The following GRIK5 variants were observed in gnomAD, a reference collection of about 807,000 sequenced individuals.
GRIK5 encodes glutamate receptor ionotropic, kainate 5.
In GRIK5, 43 loss-of-function variants were observed where a neutral mutation model predicts 97.4. The observed-to-expected ratio is 0.44, with a 90% CI of 0.35 to 0.57. The LOEUF is 0.57. GRIK5 is among the 20% of genes least tolerant of loss of function. The probability of loss-of-function intolerance (pLI) is 0.01; values close to 1 mark genes in which losing one functional copy is unlikely to be tolerated. For synonymous variants in GRIK5, 580 were observed against 583.5 expected, an observed-to-expected ratio of 0.99 and a Z score of 0.09; for missense variants, 1,015 against 1,382.0, an observed-to-expected ratio of 0.73 and a Z score of 4.21.
At chr19:42,036,709 C>T (rs1036550120) in intron 12 of GRIK5, among the ~76,000 whole-genome samples, 4 of 152,302 alleles carry the variant, frequency 2.6e-5, no homozygotes, top group African/African-American at 9.6e-5. Context: ...TTTCTAAAGA[C>T]TCCTTGATAG....
chr19:42,005,599 G>T, intron 17 of GRIK5, 124 bp downstream of exon 17: 1 of 676,074 alleles, frequency 1.5e-6, no homozygotes. Context: ...AGACCATACA[G>T]CCAGGAGGCC....
At position 42,065,438 on chromosome 19, in the gene GRIK5, G is replaced by A. The variant is rs1274549271; in HGVS notation, c.80-51C>T. On this transcript the variant is annotated intron_variant, in intron 2 of 19. Coordinates refer to ENST00000593562, the MANE Select transcript of GRIK5 (RefSeq NM_002088.5). The surrounding 1 kb of genome is among the most constrained non-coding windows in gnomAD (Gnocchi z 5.8). The stretch of plus-strand genomic sequence containing the variant: ...CAGACTCCTGAGTCCTGAGGAAGGA[G>A]GGGGCTGTGGTCTTAGACTCCAGGG... 5.9e-6 allele frequency: 9 copies of A among 1,524,248 alleles called. No individual in the cohort carries two copies. Among genetic ancestry groups the A allele is most frequent in the African/African-American group, 1.4e-5 (1 of 73,190 alleles). The allele number at this position is 1,524,248 out of a possible 1,614,324, so 94.4% of individuals were successfully genotyped here.
Position 41,999,328 on chromosome 19 carries a change from C to G in GRIK5, c.2515-29G>C, listed in dbSNP as rs782386123. The G allele has an allele frequency of 6.8e-7, 1 of 1,479,478 alleles. No homozygotes were observed. Among genetic ancestry groups the G allele is most frequent in the South Asian group, 1.3e-5 (1 of 79,152 alleles). The allele number at this position is 1,479,478 out of a possible 1,614,324, so 91.6% of individuals were successfully genotyped here. On this transcript the variant is annotated intron_variant, in intron 19 of 19. Transcript: ENST00000593562. The surrounding 1 kb of genome is among the most constrained non-coding windows in gnomAD (Gnocchi z 5.0). ...GGGGTGGCGCGGGCGGTCACCGTCC[C>G]GGCGCAGTCCGCCTCCCGCCTCCCC... is the stretch of plus-strand genomic sequence containing the variant.
At chr19:42,047,594 T>G (rs1052813080) in intron 11 of GRIK5, among the ~76,000 whole-genome samples, 1 of 152,136 alleles carries the variant, frequency 6.6e-6, no homozygotes, top group Non-Finnish European at 1.5e-5. Flanking sequence ...TATTGATTTG[T>G]GACAAAGGTA....
chr19:42,012,000 G>A (rs1473186758), intron 15 of GRIK5, among the ~76,000 whole-genome samples: 6 of 152,050 alleles, frequency 3.9e-5, no homozygotes, highest in Non-Finnish European at 2.9e-5. Flanking sequence ...CCTAAAGGTA[G>A]AAAAAGAGGA....
intron 11 of GRIK5, among the ~76,000 whole-genome samples, chr19:42,044,026 A>T (rs918989585): frequency 2.6e-5 from 4 of 152,148 alleles, no homozygotes; most frequent in Non-Finnish European, 5.9e-5. Flanking sequence ...GACCAGGTGG[A>T]GGTAACTGAA....
At position 42,065,876 on chromosome 19, in the gene GRIK5, C is replaced by G. The variant is rs774387956; in HGVS notation, c.-50-56G>C. 113 of 881,086 alleles carry G rather than the reference C, an allele frequency of 1.3e-4. No individual in the cohort carries two copies. Among genetic ancestry groups the G allele is most frequent in the Admixed American group, 4.0e-4 (19 of 47,614 alleles). The allele number at this position is 881,086 out of a possible 1,614,324, so 54.6% of individuals were successfully genotyped here. A position where few individuals can be genotyped will look rare whatever the true frequency, so the allele number is the denominator to read the frequency against. ...ATTACTATGTGGTGGGATGGAACCC[C>G]TTGGAGGCCTGCTGGATGGGGTGGT... On this transcript the variant is annotated intron_variant, in intron 1 of 19. Coordinates refer to ENST00000593562, the MANE Select transcript of GRIK5 (RefSeq NM_002088.5). This position sits in a 1 kb window ranked among gnomAD's most constrained non-coding sequence, Gnocchi z 5.8.
rs2075453691 is a variant in GRIK5 at position 42,003,752 on chromosome 19, CTG to C, written c.2264-71_2264-70del. The C allele has an allele frequency of 3.4e-6, 5 of 1,480,476 alleles. No homozygotes were observed. Among genetic ancestry groups the C allele is most frequent in the Non-Finnish European group, 4.5e-6 (5 of 1,115,782 alleles). 91.7% of individuals were successfully genotyped at this position (1,480,476 alleles called of 1,614,324 possible). A position where few individuals can be genotyped will look rare whatever the true frequency, so the allele number is the denominator to read the frequency against. ...AGCCCTGACCGCCCCAAACCCCAAACTGTGCCCTCACCACGGCCTTCCCCCGC... is the reference window on the plus strand; with the variant it reads ...AGCCCTGACCGCCCCAAACCCCAAACTGCCCTCACCACGGCCTTCCCCCGC... On this transcript the variant is annotated intron_variant, in intron 17 of 19. Transcript: ENST00000593562. This position sits in a 1 kb window ranked among gnomAD's most constrained non-coding sequence, Gnocchi z 4.2.
chr19:42,040,498 G>C (rs1599804799), intron 12 of GRIK5, among the ~76,000 whole-genome samples: 1 of 152,324 alleles, frequency 6.6e-6, no homozygotes, highest in African/African-American at 2.4e-5. Context: ...GGTGGGCATA[G>C]AGCTGTCAGC....
intron 15 of GRIK5, among the ~76,000 whole-genome samples, chr19:42,017,330 A>G (rs900245313): frequency 2.6e-5 from 4 of 152,214 alleles, no homozygotes; most frequent in Non-Finnish European, 4.4e-5. Flanking sequence ...GCATTTGTGT[A>G]TTGCCATAAT....
At chr19:42,044,741 G>C (rs1405483440) in intron 11 of GRIK5, among the ~76,000 whole-genome samples, 1 of 152,200 alleles carries the variant, frequency 6.6e-6, no homozygotes, top group East Asian at 1.9e-4. Context: ...CTTGAGCCCA[G>C]GAGCTCAAGA....
rs1297308300 is a variant in GRIK5 at position 42,045,536 on chromosome 19, G to A, written c.1270-2781C>T. On this transcript the variant is annotated intron_variant, in intron 11 of 19. Coordinates refer to ENST00000593562, the MANE Select transcript of GRIK5 (RefSeq NM_002088.5). Reference sequence around the variant, plus strand: ...CAACTGCTATTGTTTCAGTTTCTGGGTTCTGGGTGGTTTGTCACACAGTAA... The same window carrying A: ...CAACTGCTATTGTTTCAGTTTCTGGATTCTGGGTGGTTTGTCACACAGTAA... 2.0e-5 allele frequency among the ~76,000 whole-genome samples: 3 copies of A among 152,186 alleles called. No homozygotes were observed. In the East Asian group the frequency reaches 5.8e-4, roughly 29 times the overall value.
intron 8 of GRIK5, 47 bp from the exon 9 acceptor site, chr19:42,054,519 G>A: frequency 6.3e-7 from 1 of 1,594,700 alleles, no homozygotes; most frequent in Non-Finnish European, 8.5e-7. Flanking sequence ...AGGCTGCCTA[G>A]GCAGAGGAGC....
At chr19:42,005,422 C>T (rs565661616) in intron 17 of GRIK5, among the ~76,000 whole-genome samples, 2 of 152,248 alleles carry the variant, frequency 1.3e-5, no homozygotes, top group South Asian at 4.1e-4. Flanking sequence ...TCCTCACCCC[C>T]ACAGGGCCCT....
At chr19:42,001,733 A>G (rs2075425246) in intron 19 of GRIK5, 2 of 205,454 alleles carry the variant, frequency 9.7e-6, no homozygotes, top group Admixed American at 1.1e-4. Context: ...ACATCCAGCT[A>G]AGCTGCTCCG....
At chr19:42,057,134 C>T (rs2076197164) in intron 6 of GRIK5, among the ~76,000 whole-genome samples, 156 bp from the exon 7 acceptor site, 1 of 152,030 alleles carries the variant, frequency 6.6e-6, no homozygotes, top group Non-Finnish European at 1.5e-5. Context: ...CAGAGATAGA[C>T]AGACAGGGAG....
chr19:42,010,076 A>G (rs1368876844), intron 15 of GRIK5, among the ~76,000 whole-genome samples: 1 of 152,024 alleles, frequency 6.6e-6, no homozygotes, highest in African/African-American at 2.4e-5. Flanking sequence ...CAAAAAAAAA[A>G]AAAAAAAGAT....
chr19:42,068,027 G>A (rs150976188), intron 1 of GRIK5, among the ~76,000 whole-genome samples: 1 of 152,302 alleles, frequency 6.6e-6, no homozygotes, highest in East Asian at 1.9e-4. Flanking sequence ...AACAGCAGCA[G>A]GTACAAGACT....
At chr19:42,033,962 T>G (rs746145816) in intron 12 of GRIK5, among the ~76,000 whole-genome samples, 3 of 152,184 alleles carry the variant, frequency 2.0e-5, no homozygotes, top group Non-Finnish European at 4.4e-5. Flanking sequence ...GTCGTGCCAC[T>G]GCACTCCAGC....
Sources: gnomAD v4.1 joint callset for allele counts (sites outside exome capture counted in the v4.1 genomes callset) on GRCh38, gnomAD v4.1.1 for gene constraint, Gnocchi (gnomAD v3.1) non-coding constraint, MANE v1.5 for transcripts, NCBI Gene and HGNC (gene_info 2026-07-23, HGNC 2026-07-21) for gene names.